Variants in DST observed in about 807,000 individuals in gnomAD.
The protein encoded by DST is bullous pemphigoid antigen.
A neutral mutation model predicts 875.2 loss-of-function variants in DST; 253 were observed. That is an observed-to-expected ratio of 0.29 (90% CI 0.26 to 0.32). The LOEUF (loss-of-function observed/expected upper bound fraction) is 0.32. DST is among the 10% of genes least tolerant of loss of function. DST has a pLI of 1.00. For missense variants in DST, 8,287 were observed against 9,111.6 expected, an observed-to-expected ratio of 0.91 and a Z score of 3.68; for synonymous variants, 3,124 against 3,197.1, an observed-to-expected ratio of 0.98 and a Z score of 0.77.
rs1393338588 is a variant in DST at position 56,635,724 on chromosome 6, G to A, written c.3061-10C>T. ...TGGCATCATTGAAAAACTAAGGAAA[G>A]ATGAAACCTGGAAGTTAAAGTATGT... On this transcript the variant is annotated splice_polypyrimidine_tract_variant and intron_variant, in intron 23 of 103. Coordinates refer to ENST00000680361, the MANE Select transcript of DST (RefSeq NM_001374736.1). 1 of 1,613,240 alleles carries A rather than the reference G, an allele frequency of 6.2e-7. No individual in the cohort carries two copies. Among genetic ancestry groups the A allele is most frequent in the Non-Finnish European group, 8.5e-7 (1 of 1,179,762 alleles).
intron 2 of DST, among the ~76,000 whole-genome samples, chr6:56,945,045 C>T (rs762848814): frequency 2.6e-5 from 4 of 152,172 alleles, no homozygotes; most frequent in Non-Finnish European, 5.9e-5. Context: ...CTGAAAATGA[C>T]ATGGTAGAAC....
chr6:56,651,841 T>C (rs553148046), intron 10 of DST, among the ~76,000 whole-genome samples: 1 of 152,352 alleles, frequency 6.6e-6, no homozygotes, highest in African/African-American at 2.4e-5. Flanking sequence ...CTTAGACTCC[T>C]TGCCCTATTA....
chr6:56,512,279 A>T (rs1202737385), intron 72 of DST, among the ~76,000 whole-genome samples: 1 of 152,142 alleles, frequency 6.6e-6, no homozygotes, highest in Non-Finnish European at 1.5e-5. Context: ...ATTCAAGTGG[A>T]TCCCCATTCC....
chr6:56,588,806 A>G (rs1279071235), intron 49 of DST, among the ~76,000 whole-genome samples: 2 of 152,222 alleles, frequency 1.3e-5, no homozygotes, highest in African/African-American at 4.8e-5. Flanking sequence ...CAAAAGGCCC[A>G]CCAAACCACG....
At chr6:56,613,045 A>G (rs1158904400) in intron 37 of DST, among the ~76,000 whole-genome samples, 1 of 152,070 alleles carries the variant, frequency 6.6e-6, no homozygotes, top group Non-Finnish European at 1.5e-5. Context: ...ATATATATAT[A>G]CACATGAAAC....
At chr6:56,620,399 C>G in intron 36 of DST, 1 of 1,614,234 alleles carries the variant, frequency 6.2e-7, no homozygotes, top group Non-Finnish European at 8.5e-7. Context: ...CTCCAGTTCT[C>G]TTTCAGCGGC....
intron 27 of DST, among the ~76,000 whole-genome samples, chr6:56,633,320 G>T (rs1156538702): frequency 1.4e-5 from 2 of 146,894 alleles, no homozygotes; most frequent in Admixed American, 1.3e-4. Context: ...TCCGCCTCCC[G>T]GGTTCACGCC....
chr6:56,772,444 C>T (rs935499281), intron 4 of DST, among the ~76,000 whole-genome samples: 11 of 152,168 alleles, frequency 7.2e-5, no homozygotes, highest in African/African-American at 2.7e-4. Context: ...TGCAAGCTAA[C>T]TCTCTTCGAT....
intron 77 of DST, among the ~76,000 whole-genome samples, 182 bp from the exon 78 acceptor site, chr6:56,504,280 C>T (rs979391376): frequency 6.6e-6 from 1 of 151,974 alleles, no homozygotes; most frequent in Non-Finnish European, 1.5e-5. Flanking sequence ...AAATGGTTGT[C>T]CCAAATATGA....
Position 56,476,213 on chromosome 6 carries a change from TC to T in DST, c.21799del (p.Asp7267IlefsTer14). The part of the protein sequence containing the change: ...WLQWAETTLT[D>X]KDKEVIPQEI... The stretch of plus-strand genomic sequence containing the variant: ...CTGGGGGATGACTTCTTTATCCTTA[TC>T]AGTAAGTGTAGTTTCAGCCCATTGC... On this transcript the variant is annotated frameshift_variant, in exon 92 of 104. Transcript: ENST00000680361. LOFTEE classifies it high-confidence loss of function. The T allele has an allele frequency of 6.2e-7, 1 of 1,612,968 alleles. No individual in the cohort carries two copies. The highest frequency in any genetic ancestry group is 8.5e-7 in the Non-Finnish European group (1 of 1,179,440).
rs781336562 is a variant in DST, at chr6:56,493,058, A to G, written c.20426T>C (p.Met6809Thr). The G allele has an allele frequency of 2.2e-5, 36 of 1,612,300 alleles. No homozygotes were observed. The highest frequency in any genetic ancestry group is 3.1e-5 in the Non-Finnish European group (36 of 1,179,184). Residue 6809 changes from methionine to threonine, a missense_variant, in exon 84 of 104, where the codon ATG becomes ACG. Coordinates refer to ENST00000680361, the MANE Select transcript of DST (RefSeq NM_001374736.1). ...TKLEEALNLAMEFHNSLQDFI... is the reference protein window; with the variant it reads ...TKLEEALNLATEFHNSLQDFI... ...GTCTTGGAGAGAATTGTGGAACTCCATTGCCAAGTTGAGAGCCTCTTCCAG... is the reference window on the plus strand; with the variant it reads ...GTCTTGGAGAGAATTGTGGAACTCCGTTGCCAAGTTGAGAGCCTCTTCCAG...
At chr6:56,777,227 C>G (rs1397803083) in intron 4 of DST, among the ~76,000 whole-genome samples, 1 of 152,002 alleles carries the variant, frequency 6.6e-6, no homozygotes, top group African/African-American at 2.4e-5. Context: ...AACCCTGTTT[C>G]TGAATAAACT....
intron 50 of DST, among the ~76,000 whole-genome samples, chr6:56,577,153 T>G (rs2097882839): frequency 6.6e-6 from 1 of 152,182 alleles, no homozygotes; most frequent in Middle Eastern, 3.2e-3. Flanking sequence ...CCTAGAAAAT[T>G]ATGCCAGAAG....
chr6:56,709,671 T>C (rs1320728632), intron 5 of DST, among the ~76,000 whole-genome samples: 1 of 152,228 alleles, frequency 6.6e-6, no homozygotes, highest in Non-Finnish European at 1.5e-5. Flanking sequence ...TGCCAGGGTA[T>C]CCTTTAAGTT....
intron 4 of DST, among the ~76,000 whole-genome samples, chr6:56,741,965 C>G (rs924908771): frequency 6.6e-6 from 1 of 151,932 alleles, no homozygotes; most frequent in African/African-American, 2.4e-5. Flanking sequence ...CAAATAAATG[C>G]AAAAAGAGTA....
intron 6 of DST, among the ~76,000 whole-genome samples, 156 bp downstream of exon 6, chr6:56,704,124 G>T (rs1431098729): frequency 1.3e-5 from 2 of 152,172 alleles, no homozygotes; most frequent in African/African-American, 4.8e-5. Context: ...GTTTGAAAAT[G>T]CTTAGGAATC....
In DST at chr6:56,472,039, G is replaced by C; in HGVS notation, c.22158+20C>G. On this transcript the variant is annotated intron_variant, in intron 94 of 103. Transcript: ENST00000680361. ...TGAGGGCAAATGACAATGTGGTGTT[G>C]AGGGTATGAATTTCCAAACCTCCTC... 1.2e-6 allele frequency: 2 copies of C among 1,612,630 alleles called. No individual in the cohort carries two copies. Among genetic ancestry groups the C allele is most frequent in the Middle Eastern group, 3.3e-4 (2 of 6,062 alleles).
intron 80 of DST, among the ~76,000 whole-genome samples, chr6:56,498,667 A>G (rs2096004406): frequency 6.6e-6 from 1 of 152,216 alleles, no homozygotes. Context: ...ATTTTCAAAT[A>G]TAAAATTATC....
chr6:56,787,630 C>CAG (rs1392965712), intron 4 of DST, among the ~76,000 whole-genome samples: 4 of 152,110 alleles, frequency 2.6e-5, no homozygotes, highest in African/African-American at 7.2e-5. Context: ...TCAAAACTTA[C>CAG]AGAGAAACAC....
Sources: gnomAD v4.1 joint callset for allele counts (sites outside exome capture counted in the v4.1 genomes callset) on GRCh38, gnomAD v4.1.1 for gene constraint, MANE v1.5 for transcripts, NCBI Gene and HGNC (gene_info 2026-07-23, HGNC 2026-07-21) for gene names.